EPB41L3: variants seen among roughly 807,000 people sequenced by gnomAD.
EPB41L3 encodes band 4.1-like protein 3.
Under a neutral mutation model 127.1 loss-of-function variants are expected in EPB41L3, and 57 were observed. That is an observed-to-expected ratio of 0.45 (90% CI 0.36 to 0.56). The LOEUF (loss-of-function observed/expected upper bound fraction) is 0.56. Among genes scored for constraint, EPB41L3 ranks in the 20% least tolerant of loss-of-function variants. EPB41L3 has a pLI of 0.00. For missense variants in EPB41L3, 1,273 were observed against 1,372.2 expected (o/e 0.93, Z 1.14); for synonymous variants, 572 against 549.5 (o/e 1.04, Z -0.57).
intron 3 of EPB41L3, among the ~76,000 whole-genome samples, chr18:5,582,413 G>A (rs2094402209): frequency 6.6e-6 from 1 of 152,178 alleles, no homozygotes; most frequent in South Asian, 2.1e-4. Flanking sequence ...CCTCAAGGCT[G>A]CTTAGAGATC....
intron 1 of EPB41L3, among the ~76,000 whole-genome samples, chr18:5,519,493 T>C (rs1395049651): frequency 6.6e-6 from 1 of 152,184 alleles, no homozygotes; most frequent in Non-Finnish European, 1.5e-5. Context: ...ACCAGTCAAG[T>C]GCCAAAGATC....
At chr18:5,462,713 C>G (rs1456898191) in intron 3 of EPB41L3, among the ~76,000 whole-genome samples, 1 of 152,158 alleles carries the variant, frequency 6.6e-6, no homozygotes, top group Non-Finnish European at 1.5e-5. Context: ...TATTAAGGCT[C>G]TTTTCTTCTT....
chr18:5,456,881 C>A (rs775233417), intron 3 of EPB41L3, among the ~76,000 whole-genome samples: 2 of 152,184 alleles, frequency 1.3e-5, no homozygotes, highest in Non-Finnish European at 2.9e-5. Context: ...TGGTCTAATT[C>A]GAGAACCAGA....
intron 3 of EPB41L3, among the ~76,000 whole-genome samples, chr18:5,550,308 G>T (rs1052236801): frequency 1.3e-5 from 2 of 152,128 alleles, no homozygotes; most frequent in African/African-American, 4.8e-5. Flanking sequence ...ATTAAATAAG[G>T]AAACTGACCA....
intron 3 of EPB41L3, among the ~76,000 whole-genome samples, chr18:5,473,179 T>C (rs1236741863): frequency 6.6e-6 from 1 of 152,168 alleles, no homozygotes; most frequent in African/African-American, 2.4e-5. Context: ...GCCCATTCGC[T>C]GGCATGTTTC....
intron 1 of EPB41L3, among the ~76,000 whole-genome samples, chr18:5,625,236 A>G (rs538478674): frequency 6.6e-5 from 10 of 152,054 alleles, no homozygotes; most frequent in South Asian, 4.2e-4. Flanking sequence ...AGCAGAAGTT[A>G]GGAAGGCAGA....
intron 1 of EPB41L3, among the ~76,000 whole-genome samples, chr18:5,513,026 A>G (rs189441975): frequency 1.4e-3 from 209 of 152,318 alleles, no homozygotes; most frequent in African/African-American, 4.8e-3. Flanking sequence ...GTGCTTGGGC[A>G]TCTGGTGGAT....
At chr18:5,576,670 C>T (rs1221436727) in intron 3 of EPB41L3, among the ~76,000 whole-genome samples, 2 of 152,180 alleles carry the variant, frequency 1.3e-5, no homozygotes, top group South Asian at 2.1e-4. Flanking sequence ...TAAATAGGTT[C>T]CTGAGCTGGG....
intron 3 of EPB41L3, chr18:5,567,280 C>T (rs1296105684): frequency 1.3e-5 from 2 of 152,204 alleles, no homozygotes; most frequent in East Asian, 3.9e-4. Flanking sequence ...CACAACACCT[C>T]TAGTGGGCAG....
chr18:5,582,619 C>T (rs2094403744), intron 3 of EPB41L3, among the ~76,000 whole-genome samples: 1 of 152,126 alleles, frequency 6.6e-6, no homozygotes, highest in African/African-American at 2.4e-5. Flanking sequence ...GATTTTAACA[C>T]AGAGAACATG....
chr18:5,399,243 A>G (rs982170168), intron 16 of EPB41L3: 3 of 398,914 alleles, frequency 7.5e-6, no homozygotes, highest in Non-Finnish European at 1.3e-5. Flanking sequence ...TTGCATTTTA[A>G]TAGTGCCAGA....
intron 3 of EPB41L3, among the ~76,000 whole-genome samples, chr18:5,468,954 C>A (rs1371748880): frequency 6.7e-6 from 1 of 150,266 alleles, no homozygotes; most frequent in African/African-American, 2.5e-5. Context: ...AACAAACAAA[C>A]AAAAAACAAA....
chr18:5,516,157 C>T lies in EPB41L3; in HGVS notation c.-11-26963G>A, dbSNP rs79021601. ...ACATCCAGAGCCCCAAGTCCAGGGG[C>T]AGATACTCCCGAAACTCACACCTCA... is the stretch of plus-strand genomic sequence containing the variant. On this transcript the variant is annotated intron_variant, in intron 1 of 22. Transcript: ENST00000341928. 3.0e-4 allele frequency among the ~76,000 whole-genome samples: 45 copies of T among 152,318 alleles called. No homozygotes were observed. The East Asian group carries it at 8.3e-3, about 28-fold the overall frequency.
intron 2 of EPB41L3, among the ~76,000 whole-genome samples, chr18:5,481,858 G>C (rs190191073): frequency 6.6e-6 from 1 of 152,142 alleles, no homozygotes; most frequent in Non-Finnish European, 1.5e-5. Flanking sequence ...GCCACCTAGC[G>C]CCAAAGAGGT....
chr18:5,515,376 A>C (rs2092708066), intron 1 of EPB41L3, among the ~76,000 whole-genome samples: 3 of 152,210 alleles, frequency 2.0e-5, no homozygotes. Context: ...TTTGCTATGA[A>C]CAAGTCTGTT....
intron 14 of EPB41L3, among the ~76,000 whole-genome samples, chr18:5,410,344 CTGAA>C (rs2076045182): frequency 6.6e-6 from 1 of 152,142 alleles, no homozygotes; most frequent in African/African-American, 2.4e-5. Flanking sequence ...CCCAGCTCTT[CTGAA>C]TGAGAAACAT....
intron 3 of EPB41L3, among the ~76,000 whole-genome samples, chr18:5,579,873 A>G (rs563470616): frequency 6.6e-6 from 1 of 152,204 alleles, no homozygotes; most frequent in Non-Finnish European, 1.5e-5. Flanking sequence ...GGATGTGAGG[A>G]TTAGAGATGA....
intron 3 of EPB41L3, among the ~76,000 whole-genome samples, chr18:5,577,136 G>T (rs1478293524): frequency 6.6e-6 from 1 of 152,208 alleles, no homozygotes; most frequent in Admixed American, 6.5e-5. Context: ...AAAAACTAGA[G>T]AACAATTAGC....
intron 15 of EPB41L3, chr18:5,407,179 A>C: frequency 3.5e-6 from 2 of 575,458 alleles, no homozygotes; most frequent in Non-Finnish European, 3.1e-6. Flanking sequence ...AGTTCACACA[A>C]ACATGGATAC....
Sources: allele counts gnomAD v4.1 joint callset (sites outside exome capture counted in the v4.1 genomes callset), GRCh38; gene constraint gnomAD v4.1.1; transcripts MANE v1.5; gene names NCBI Gene and HGNC (gene_info 2026-07-23, HGNC 2026-07-21).